Variants in NCAM1 observed in about 807,000 individuals in gnomAD.
The protein encoded by NCAM1 is neural cell adhesion molecule 1, also known as antigen recognized by monoclonal antibody 5.1H11.
In NCAM1, 14 loss-of-function variants were observed where a neutral mutation model predicts 109.8. That is an observed-to-expected ratio of 0.13 (90% confidence interval 0.08 to 0.20). NCAM1 has a LOEUF of 0.20. NCAM1 is among the 10% of genes least tolerant of loss of function. NCAM1 has a pLI of 1.00. For missense variants in NCAM1, 774 were observed against 1,109.9 expected, an observed-to-expected ratio of 0.70 and a Z score of 4.30; for synonymous variants, 418 against 442.9, an observed-to-expected ratio of 0.94 and a Z score of 0.70.
chr11:112,988,749 G>GTTTT (rs1344040670), intron 1 of NCAM1, among the ~76,000 whole-genome samples: 1 of 66,524 alleles, frequency 1.5e-5, no homozygotes, highest in Admixed American at 2.1e-4. Flanking sequence ...ACTTTCAACA[G>GTTTT]TATTTTTTTT....
At chr11:113,078,605 G>A (rs528565723) in intron 1 of NCAM1, among the ~76,000 whole-genome samples, 1 of 152,158 alleles carries the variant, frequency 6.6e-6, no homozygotes, top group Admixed American at 6.5e-5. Flanking sequence ...ATTTTTAAAG[G>A]TGTCTCATAT....
At chr11:113,104,988 C>T (rs782221223) in intron 1 of NCAM1, among the ~76,000 whole-genome samples, 3 of 152,150 alleles carry the variant, frequency 2.0e-5, no homozygotes, top group East Asian at 1.9e-4. Context: ...GTGTCACAGT[C>T]GAAGGGAACA....
chr11:113,229,176 T>A (rs1258572054), intron 9 of NCAM1, among the ~76,000 whole-genome samples: 1 of 152,058 alleles, frequency 6.6e-6, no homozygotes, highest in Non-Finnish European at 1.5e-5. Context: ...ATTTTTGCAA[T>A]CTACTCATCT....
rs573494563 is a variant in NCAM1, at chr11:113,240,315, G to A, written c.1825+5151G>A. On this transcript the variant is annotated intron_variant, in intron 14 of 19. Transcript: ENST00000316851. ...GATGTTGAAATGAGTGAGGCATATA[G>A]GTTTTGCTATAAATAAAGTCATATG... is the stretch of plus-strand genomic sequence containing the variant. Among the ~76,000 whole-genome samples the A allele has an allele frequency of 3.9e-5, 6 of 152,278 alleles. No homozygotes were observed. In the South Asian group the frequency reaches 1.2e-3, roughly 32 times the overall value.
chr11:113,259,088 G>A (rs1555122782), intron 16 of NCAM1, among the ~76,000 whole-genome samples: 1 of 134,638 alleles, frequency 7.4e-6, no homozygotes, highest in East Asian at 2.1e-4. Flanking sequence ...GTCTCGCTCT[G>A]TCGCCCAGGC....
chr11:113,148,397 T>C (rs1402967464), intron 1 of NCAM1, among the ~76,000 whole-genome samples: 1 of 151,808 alleles, frequency 6.6e-6, no homozygotes, highest in African/African-American at 2.4e-5. Flanking sequence ...TTTTTCTTTT[T>C]AAGTTAACTA....
At chr11:113,012,011 C>CCTTCCTTCCTTCCTTT (rs1952075736) in intron 1 of NCAM1, among the ~76,000 whole-genome samples, 1 of 141,742 alleles carries the variant, frequency 7.1e-6, no homozygotes, top group African/African-American at 2.7e-5. Flanking sequence ...TTCCTTCCTT[C>CCTTCCTTCCTTCCTTT]CTTTCTTTCC....
At chr11:113,136,697 T>C (rs1162705680) in intron 1 of NCAM1, among the ~76,000 whole-genome samples, 1 of 152,078 alleles carries the variant, frequency 6.6e-6, no homozygotes, top group Non-Finnish European at 1.5e-5. Flanking sequence ...ATGGTGGGAA[T>C]GGTCTGAGGC....
chr11:113,182,947 G>T (rs1716465733), intron 1 of NCAM1, among the ~76,000 whole-genome samples: 1 of 152,184 alleles, frequency 6.6e-6, no homozygotes. Flanking sequence ...GCAGGACTGG[G>T]GTGAGCCAGC....
Position 113,277,063 on chromosome 11 carries a change from C to G in NCAM1, c.*1676C>G, listed in dbSNP as rs564715010. On this transcript the variant is annotated 3_prime_UTR_variant, in exon 20 of 20. Coordinates refer to ENST00000316851, the MANE Select transcript of NCAM1 (RefSeq NM_181351.5). ...GAAACAAAAATCACTCAAACGGAAT[C>G]GAAGCCTTTTAACAAAGAAAATGAA... The G allele has an allele frequency of 6.1e-6, 2 of 330,180 alleles. No homozygotes were observed. The highest frequency in any genetic ancestry group is 4.9e-5 in the Admixed American group (1 of 20,574). 20.5% of individuals were successfully genotyped at this position (330,180 alleles called of 1,614,324 possible).
intron 1 of NCAM1, among the ~76,000 whole-genome samples, chr11:113,173,359 T>G (rs941026740): frequency 6.6e-6 from 1 of 151,874 alleles, no homozygotes; most frequent in African/African-American, 2.4e-5. Context: ...GGGGTCTAAT[T>G]TGAATTACTT....
intron 1 of NCAM1, among the ~76,000 whole-genome samples, chr11:113,028,118 A>G (rs1243552909): frequency 6.6e-6 from 1 of 152,186 alleles, no homozygotes; most frequent in Non-Finnish European, 1.5e-5. Context: ...TTTCTATTTC[A>G]TAGTAGGGTG....
intron 15 of NCAM1, among the ~76,000 whole-genome samples, chr11:113,252,746 G>A (rs1441467470): frequency 2.7e-5 from 4 of 146,872 alleles, no homozygotes; most frequent in South Asian, 2.2e-4. Flanking sequence ...AGTGGTTCTC[G>A]TGCCTCAGCC....
intron 1 of NCAM1, among the ~76,000 whole-genome samples, chr11:113,187,523 A>C (rs1943544127): frequency 6.6e-6 from 1 of 151,140 alleles, no homozygotes; most frequent in Non-Finnish European, 1.5e-5. Flanking sequence ...TGAGTCTGAT[A>C]TTGTGTACAC....
Position 113,107,828 on chromosome 11 carries a change from A to G in NCAM1, c.53-94551A>G, listed in dbSNP as rs118065133. 5.4e-4 allele frequency among the ~76,000 whole-genome samples: 82 copies of G among 152,314 alleles called. No individual in the cohort carries two copies. The East Asian group carries it at 0.015, about 29-fold the overall frequency. On this transcript the variant is annotated intron_variant, in intron 1 of 19. Coordinates refer to ENST00000316851, the MANE Select transcript of NCAM1 (RefSeq NM_181351.5). ...CCCTAGTGTTGACCAAATGGCATAA[A>G]TTAAGGGAGTGTAGTCCTCTGCAGT...
intron 1 of NCAM1, among the ~76,000 whole-genome samples, chr11:113,146,936 ATCACCATTTG>A (rs1292371226): frequency 2.0e-5 from 3 of 151,818 alleles, no homozygotes; most frequent in African/African-American, 7.3e-5. Context: ...TCAACCCTTT[ATCACCATTTG>A]TCACTGGCCT....
At chr11:113,261,085 C>T (rs1349815649) in intron 17 of NCAM1, among the ~76,000 whole-genome samples, 4 of 152,204 alleles carry the variant, frequency 2.6e-5, no homozygotes, top group African/African-American at 9.6e-5. Context: ...AGCCAAATGC[C>T]AACCCCAGGC....
At chr11:113,250,946 T>A (rs1474921760) in intron 15 of NCAM1, among the ~76,000 whole-genome samples, 2 of 149,820 alleles carry the variant, frequency 1.3e-5, no homozygotes, top group African/African-American at 4.9e-5. Context: ...TACAGACGCA[T>A]GCCACCATGC....
chr11:113,068,327 C>T (rs916090606), intron 1 of NCAM1, among the ~76,000 whole-genome samples: 1 of 152,142 alleles, frequency 6.6e-6, no homozygotes, highest in African/African-American at 2.4e-5. Flanking sequence ...CTTAGGGAAG[C>T]CCTGTGATTA....
Sources: gnomAD v4.1 joint callset for allele counts (sites outside exome capture counted in the v4.1 genomes callset) on GRCh38, gnomAD v4.1.1 for gene constraint, MANE v1.5 for transcripts, NCBI Gene and HGNC (gene_info 2026-07-23, HGNC 2026-07-21) for gene names.